The following PARD3B variants were observed in gnomAD, a reference collection of about 807,000 sequenced individuals.
The protein encoded by PARD3B is partitioning defective 3 homolog B.
PARD3B carries 103 observed loss-of-function variants against 130.2 expected under a neutral mutation model. That is an observed-to-expected ratio of 0.79 (90% confidence interval 0.67 to 0.93). The LOEUF (loss-of-function observed/expected upper bound fraction) is 0.93, where lower values mean the gene tolerates loss of function less well. Ranked by LOEUF, PARD3B falls within the 40% of genes least tolerant of loss-of-function variation. The pLI is 0.00. For missense variants in PARD3B, 1,609 were observed against 1,499.2 expected, an observed-to-expected ratio of 1.07 and a Z score of -1.21; for synonymous variants, 583 against 553.2, an observed-to-expected ratio of 1.05 and a Z score of -0.76.
chr2:205,527,164 C>T (rs534024270), intron 21 of PARD3B, among the ~76,000 whole-genome samples: 1 of 152,258 alleles, frequency 6.6e-6, no homozygotes, highest in East Asian at 1.9e-4. Context: ...ATGCTTGATG[C>T]AGTGAAGTAT....
intron 2 of PARD3B, among the ~76,000 whole-genome samples, chr2:204,736,666 T>A (rs1255957044): frequency 6.6e-6 from 1 of 152,218 alleles, no homozygotes; most frequent in Admixed American, 6.5e-5. Context: ...ACATTTTCTT[T>A]ATCCACTTGG....
At chr2:205,400,736 G>C (rs1347562403) in intron 18 of PARD3B, among the ~76,000 whole-genome samples, 1 of 151,902 alleles carries the variant, frequency 6.6e-6, no homozygotes, top group East Asian at 1.9e-4. Context: ...GTCTTTCTCA[G>C]ACTTCCATAA....
At chr2:205,529,347 G>T (rs912638186) in intron 21 of PARD3B, among the ~76,000 whole-genome samples, 1 of 152,194 alleles carries the variant, frequency 6.6e-6, no homozygotes, top group African/African-American at 2.4e-5. Context: ...TTTTTAAAAT[G>T]TAATTTGTCG....
intron 2 of PARD3B, among the ~76,000 whole-genome samples, chr2:204,810,577 G>A (rs1194870188): frequency 6.6e-6 from 1 of 152,014 alleles, no homozygotes; most frequent in Non-Finnish European, 1.5e-5. Flanking sequence ...CTGTAATCAT[G>A]TAGTTTTTGT....
At chr2:204,983,735 C>T in intron 3 of PARD3B, among the ~76,000 whole-genome samples, 1 of 152,174 alleles carries the variant, frequency 6.6e-6, no homozygotes, top group East Asian at 1.9e-4. Flanking sequence ...CATCCTTATC[C>T]TTAGGATCAG....
rs534855795 is a variant in PARD3B, at chr2:205,563,305, G to T, written c.3260+9902G>T. On this transcript the variant is annotated intron_variant, in intron 22 of 22. Transcript: ENST00000406610. This position sits in a 1 kb window ranked among gnomAD's most constrained non-coding sequence, Gnocchi z 4.2. ...TATTGCGTGCCTTCTATGTCTGTAC[G>T]TTTTGCATGCCTTGTCTCATTTTAT... 6.6e-6 allele frequency among the ~76,000 whole-genome samples: 1 copy of T among 152,196 alleles called. No homozygotes were observed. Among genetic ancestry groups the T allele is most frequent in the African/African-American group, 2.4e-5 (1 of 41,456 alleles).
chr2:205,474,998 C>T (rs2048976443), intron 20 of PARD3B, among the ~76,000 whole-genome samples: 1 of 152,104 alleles, frequency 6.6e-6, no homozygotes. Flanking sequence ...TTTTTTGAAT[C>T]AACTTCTGTT....
intron 10 of PARD3B, among the ~76,000 whole-genome samples, chr2:205,136,559 A>G (rs886071159): frequency 6.6e-6 from 1 of 152,184 alleles, no homozygotes; most frequent in African/African-American, 2.4e-5. Context: ...TAAGTTACAG[A>G]CTTTCCACAT....
At chr2:204,553,650 CCATATATATA>C (rs2030663967) in intron 1 of PARD3B, among the ~76,000 whole-genome samples, 3 of 26,600 alleles carry the variant, frequency 1.1e-4, no homozygotes, top group African/African-American at 5.0e-4. Flanking sequence ...TTATATATAT[CCATATATATA>C]TATATATATA....
chr2:204,926,591 C>T (rs997342332), intron 2 of PARD3B, among the ~76,000 whole-genome samples: 4 of 152,206 alleles, frequency 2.6e-5, no homozygotes, highest in African/African-American at 9.6e-5. Context: ...CTCCTCACAA[C>T]ATGTGAGTTC....
intron 2 of PARD3B, among the ~76,000 whole-genome samples, chr2:204,936,554 A>T (rs182854150): frequency 6.6e-6 from 1 of 152,276 alleles, no homozygotes; most frequent in Admixed American, 6.5e-5. Flanking sequence ...CCCATTGAAA[A>T]ATAATATTAT....
In PARD3B at chr2:205,121,052, C is replaced by T. The variant is rs1397076841; in HGVS notation, c.807-539C>T. On this transcript the variant is annotated intron_variant, in intron 7 of 22. Coordinates refer to ENST00000406610, the MANE Select transcript of PARD3B (RefSeq NM_001302769.2). The surrounding 1 kb of genome is among the most constrained non-coding windows in gnomAD (Gnocchi z 5.0). ...TTCCACTGAGACATTTTGGCACAGCCAAAGCACCTGCCAAAATGTCTCCAT... is the reference window on the plus strand; with the variant it reads ...TTCCACTGAGACATTTTGGCACAGCTAAAGCACCTGCCAAAATGTCTCCAT... Among the ~76,000 whole-genome samples, 1 of 152,148 alleles carries T rather than the reference C, an allele frequency of 6.6e-6. No individual in the cohort carries two copies. The highest frequency in any genetic ancestry group is 1.5e-5 in the Non-Finnish European group (1 of 68,030).
intron 2 of PARD3B, among the ~76,000 whole-genome samples, chr2:204,801,777 T>C (rs1044773652): frequency 3.3e-5 from 5 of 152,218 alleles, no homozygotes; most frequent in African/African-American, 1.2e-4. Flanking sequence ...CATCCTTGTC[T>C]TGTGCTGGTT....
At chr2:205,593,453 T>C (rs1387428518) in intron 22 of PARD3B, among the ~76,000 whole-genome samples, 2 of 152,242 alleles carry the variant, frequency 1.3e-5, no homozygotes, top group Non-Finnish European at 2.9e-5. Context: ...TTTCAGCTTC[T>C]GGTTTTGCCA....
intron 4 of PARD3B, among the ~76,000 whole-genome samples, chr2:205,071,871 T>G (rs1700755845): frequency 6.6e-6 from 1 of 152,304 alleles, no homozygotes; most frequent in African/African-American, 2.4e-5. Flanking sequence ...TAGATCCAAA[T>G]TTTATCTTAA....
intron 15 of PARD3B, among the ~76,000 whole-genome samples, chr2:205,195,798 G>A (rs533341646): frequency 4.0e-5 from 6 of 150,134 alleles, no homozygotes; most frequent in African/African-American, 1.2e-4. Context: ...TTTTTGACCT[G>A]GAAAACCAGC....
intron 1 of PARD3B, among the ~76,000 whole-genome samples, chr2:204,662,380 A>T (rs1410553190): frequency 6.6e-6 from 1 of 152,210 alleles, no homozygotes; most frequent in Non-Finnish European, 1.5e-5. Flanking sequence ...GTGAGTTTTC[A>T]TTGAAGTAAT....
chr2:205,305,158 G>T (rs2042146162), intron 18 of PARD3B, among the ~76,000 whole-genome samples: 1 of 152,178 alleles, frequency 6.6e-6, no homozygotes, highest in African/African-American at 2.4e-5. Flanking sequence ...TTTCCAAATT[G>T]CATTCCTTAT....
At chr2:204,952,154 T>A (rs1689828939) in intron 2 of PARD3B, among the ~76,000 whole-genome samples, 1 of 152,216 alleles carries the variant, frequency 6.6e-6, no homozygotes, top group Non-Finnish European at 1.5e-5. Context: ...AATGGACATA[T>A]TATATGAAAT....
Sources: allele counts gnomAD v4.1 joint callset (sites outside exome capture counted in the v4.1 genomes callset), GRCh38; gene constraint gnomAD v4.1.1; non-coding constraint Gnocchi (gnomAD v3.1); transcripts MANE v1.5; gene names NCBI Gene and HGNC (gene_info 2026-07-23, HGNC 2026-07-21).